Variants in ARHGAP6 observed in about 807,000 individuals in gnomAD.
The protein encoded by ARHGAP6 is Rho GTPase activating protein 6.
ARHGAP6 carries 16 observed loss-of-function variants against 55.7 expected under a neutral mutation model. That is an observed-to-expected ratio of 0.29 (90% CI 0.19 to 0.44). The LOEUF (loss-of-function observed/expected upper bound fraction) is 0.44. Ranked by LOEUF, ARHGAP6 falls within the 20% of genes least tolerant of loss-of-function variation. The pLI, the probability that ARHGAP6 is intolerant of heterozygous loss-of-function variation, is 1.00. For missense variants in ARHGAP6, 698 were observed against 808.9 expected, an observed-to-expected ratio of 0.86 and a Z score of 1.66; for synonymous variants, 382 against 360.9, an observed-to-expected ratio of 1.06 and a Z score of -0.66.
chrX:11,179,209 G>T (rs1233688114), intron 7 of ARHGAP6, 93 bp downstream of exon 7: 1 of 908,483 alleles, frequency 1.1e-6, no homozygotes, highest in East Asian at 3.5e-5. Flanking sequence ...AGGACAAAAA[G>T]TTATCAGGAA....
intron 9 of ARHGAP6, among the ~76,000 whole-genome samples, chrX:11,161,225 A>T (rs1161350219): frequency 2.5e-4 from 28 of 112,532 alleles, no homozygotes; most frequent in Non-Finnish European, 5.3e-4. Context: ...GTTTCCTAAC[A>T]TTTAATAAAA....
chrX:11,145,634 G>A (rs2045679696), intron 10 of ARHGAP6, among the ~76,000 whole-genome samples: 1 of 112,338 alleles, frequency 8.9e-6, no homozygotes. Context: ...GTCTCACCTG[G>A]GAACTTGTTG....
chrX:11,557,181 A>G (rs753168644), intron 1 of ARHGAP6, among the ~76,000 whole-genome samples: 1 of 112,321 alleles, frequency 8.9e-6, no homozygotes, highest in South Asian at 3.7e-4. Flanking sequence ...ATTCAGTTGA[A>G]AATTTCCTCC....
At chrX:11,477,825 T>A (rs1244419674) in intron 1 of ARHGAP6, among the ~76,000 whole-genome samples, 2 of 111,696 alleles carry the variant, frequency 1.8e-5, no homozygotes, top group African/African-American at 6.5e-5. Context: ...AGAAAATAGA[T>A]CAGTGGTTGC....
chrX:11,608,759 T>A (rs1026714103), intron 1 of ARHGAP6, among the ~76,000 whole-genome samples: 1 of 111,472 alleles, frequency 9.0e-6, no homozygotes, highest in Admixed American at 9.5e-5. Context: ...TATCAGGGGG[T>A]TCCGCTTTTG....
intron 1 of ARHGAP6, among the ~76,000 whole-genome samples, chrX:11,523,783 G>A (rs2050960510): frequency 9.0e-6 from 1 of 111,161 alleles, no homozygotes; most frequent in Admixed American, 9.7e-5. Context: ...ACCAGCAAGT[G>A]GAGGGGGAGG....
intron 10 of ARHGAP6, among the ~76,000 whole-genome samples, chrX:11,144,474 A>C (rs906947946): frequency 8.9e-6 from 1 of 112,334 alleles, no homozygotes; most frequent in Non-Finnish European, 1.9e-5. Flanking sequence ...TAACAGGAAA[A>C]GGCAATGATG....
intron 1 of ARHGAP6, among the ~76,000 whole-genome samples, chrX:11,487,304 C>T (rs959648851): frequency 9.0e-6 from 1 of 111,499 alleles, no homozygotes; most frequent in African/African-American, 3.3e-5. Context: ...TTCTAAATAC[C>T]ATTTTACACT....
intron 1 of ARHGAP6, among the ~76,000 whole-genome samples, chrX:11,619,676 T>A (rs2052205635): frequency 9.0e-6 from 1 of 111,682 alleles, no homozygotes; most frequent in African/African-American, 3.3e-5. Flanking sequence ...AAGAGTAGGG[T>A]TCAAACAACA....
At chrX:11,224,790 A>G (rs1201543762) in intron 2 of ARHGAP6, among the ~76,000 whole-genome samples, 1 of 110,676 alleles carries the variant, frequency 9.0e-6, no homozygotes, top group African/African-American at 3.3e-5. Flanking sequence ...CAGATTCCTG[A>G]GCTGTAGTAC....
intron 1 of ARHGAP6, among the ~76,000 whole-genome samples, chrX:11,343,549 A>T (rs2048732038): frequency 8.9e-6 from 1 of 112,234 alleles, no homozygotes; most frequent in Non-Finnish European, 1.9e-5. Context: ...TGAAATGCTA[A>T]TATAGAGAAA....
At chrX:11,573,365 A>C (rs1469639567) in intron 1 of ARHGAP6, among the ~76,000 whole-genome samples, 1 of 110,346 alleles carries the variant, frequency 9.1e-6, no homozygotes, top group East Asian at 2.8e-4. Flanking sequence ...TTTTTGTATA[A>C]GGTGTAAGGA....
chrX:11,398,979 G>A (rs2049513772), intron 1 of ARHGAP6, among the ~76,000 whole-genome samples: 1 of 112,006 alleles, frequency 8.9e-6, no homozygotes. Flanking sequence ...ATGATTCACT[G>A]TTTCAAAATA....
At chrX:11,380,633 A>T (rs779045964) in intron 1 of ARHGAP6, among the ~76,000 whole-genome samples, 1 of 111,658 alleles carries the variant, frequency 9.0e-6, no homozygotes, top group Admixed American at 9.5e-5. Flanking sequence ...AGGGCTCGTG[A>T]TTCTGCATTT....
At chrX:11,545,471 T>C (rs1470177902) in intron 1 of ARHGAP6, among the ~76,000 whole-genome samples, 1 of 111,751 alleles carries the variant, frequency 8.9e-6, no homozygotes, top group African/African-American at 3.3e-5. Context: ...TATCAGGCTT[T>C]CTTAAAAAAA....
chrX:11,537,188 G>A (rs1320522032), intron 1 of ARHGAP6, among the ~76,000 whole-genome samples: 2 of 112,444 alleles, frequency 1.8e-5, no homozygotes, highest in African/African-American at 6.5e-5. Flanking sequence ...GAGGGAATCA[G>A]AAACGTCCTG....
At chrX:11,604,421 T>TAGTGGCTCAAGTTTGAGTCACAA (rs774435273) in intron 1 of ARHGAP6, among the ~76,000 whole-genome samples, 4 of 111,841 alleles carry the variant, frequency 3.6e-5, no homozygotes, top group South Asian at 3.8e-4. Context: ...AACTGCCACA[T>TAGTGGCTCAAGTTTGAGTCACAA]AGTGGCTCAA....
intron 1 of ARHGAP6, among the ~76,000 whole-genome samples, chrX:11,656,820 C>G (rs7051356): frequency 1.8e-5 from 2 of 111,392 alleles, no homozygotes; most frequent in Non-Finnish European, 3.8e-5. Flanking sequence ...GGCATATTCA[C>G]AGGTTCTAGA....
At chrX:11,354,295 T>TC (rs2048900541) in intron 1 of ARHGAP6, among the ~76,000 whole-genome samples, 14 of 41,029 alleles carry the variant, frequency 3.4e-4, no homozygotes, top group South Asian at 2.7e-3. Context: ...CTCTCTCTCT[T>TC]TCTCTCTCTC....
Sources: allele counts gnomAD v4.1 joint callset (sites outside exome capture counted in the v4.1 genomes callset), GRCh38; gene constraint gnomAD v4.1.1; transcripts MANE v1.5; gene names NCBI Gene and HGNC (gene_info 2026-07-23, HGNC 2026-07-21).